Variants in REXO4 observed in about 807,000 individuals in gnomAD.
REXO4 encodes the protein RNA exonuclease 4, also known as REX4 homolog, 3'-5' exonuclease.
REXO4 carries 29 observed loss-of-function variants against 39.9 expected under a neutral mutation model. The ratio of observed to expected loss-of-function variants is 0.73; its 90% CI spans 0.54 to 0.99. The LOEUF (loss-of-function observed/expected upper bound fraction) is 0.99. Among genes scored for constraint, REXO4 ranks in the 50% least tolerant of loss-of-function variants. The probability of loss-of-function intolerance (pLI) is 0.00; values close to 1 mark genes in which losing one functional copy is unlikely to be tolerated. For missense variants in REXO4, 524 were observed against 546.5 expected, an observed-to-expected ratio of 0.96 and a Z score of 0.41; for synonymous variants, 184 against 206.2, an observed-to-expected ratio of 0.89 and a Z score of 0.92.
intron 6 of REXO4, 102 bp downstream of exon 6, chr9:133,408,661 AAAAAC>A: frequency 1.3e-6 from 1 of 758,596 alleles, no homozygotes; most frequent in Non-Finnish European, 2.3e-6. Flanking sequence ...GGTTAAAAGA[AAAAAC>A]AAAAACCCTT....
chr9:133,410,387 C>T (rs896124960), intron 5 of REXO4, among the ~76,000 whole-genome samples: 4 of 152,236 alleles, frequency 2.6e-5, no homozygotes, highest in Non-Finnish European at 4.4e-5. Context: ...ATTCCTGCCT[C>T]GGGTGACCAG....
chr9:133,416,995 C>T (rs1839662186), intron 1 of REXO4, among the ~76,000 whole-genome samples: 1 of 152,222 alleles, frequency 6.6e-6, no homozygotes, highest in Admixed American at 6.5e-5. Flanking sequence ...TGTCTTGCTA[C>T]ACAGACCAGT....
In REXO4 at chr9:133,407,901, G is replaced by T; in HGVS notation, c.1075-20C>A. ...TCCACTCTGCAAAGGGGGAAGAGGCGGGTGGGGGCCTCTGCAGGCTCGGCC... is the reference window on the plus strand; with the variant it reads ...TCCACTCTGCAAAGGGGGAAGAGGCTGGTGGGGGCCTCTGCAGGCTCGGCC... On this transcript the variant is annotated intron_variant, in intron 6 of 7. Coordinates refer to ENST00000371942, the MANE Select transcript of REXO4 (RefSeq NM_020385.4). 6.2e-7 allele frequency: 1 copy of T among 1,601,968 alleles called. No individual in the cohort carries two copies.
At chr9:133,414,499 C>A in intron 2 of REXO4, 166 bp downstream of exon 2, 1 of 736,262 alleles carries the variant, frequency 1.4e-6, no homozygotes, top group Non-Finnish European at 2.4e-6. Context: ...CCTTATCATG[C>A]GCACACTCTA....
chr9:133,408,969 T>TGTGC lies in REXO4; in HGVS notation c.1000-128_1000-127insGCAC, dbSNP rs1554779604. ...GTGTGTGTGTGTGTGTGTGTGTGTGTGTGTGTGTGTGTGTGTGACGGAGTC... is the reference window on the plus strand; with the variant it reads ...GTGTGTGTGTGTGTGTGTGTGTGTGTGTGCGTGTGTGTGTGTGTGTGACGGAGTC... On this transcript the variant is annotated intron_variant, in intron 5 of 7. Transcript: ENST00000371942. The TGTGC allele has an allele frequency of 2.4e-4, 127 of 525,030 alleles. No individual in the cohort carries two copies. In the East Asian group the frequency reaches 3.6e-3, roughly 15 times the overall value. The allele number at this position is 525,030 out of a possible 1,614,324, so 32.5% of individuals were successfully genotyped here.
chr9:133,418,018 C>CA (rs1211686126), upstream of REXO4: 21 of 620,276 alleles, frequency 3.4e-5, no homozygotes, highest in Non-Finnish European at 5.3e-5. Context: ...CATACCTCAG[C>CA]ACGCACGCTC....
intron 1 of REXO4, among the ~76,000 whole-genome samples, chr9:133,417,014 T>C (rs1839663844): frequency 6.6e-6 from 1 of 152,216 alleles, no homozygotes; most frequent in Admixed American, 6.5e-5. Context: ...GTGTGTTCTT[T>C]CGTTGTTGTT....
intron 2 of REXO4, chr9:133,414,437 G>A: frequency 1.4e-6 from 1 of 693,242 alleles, no homozygotes; most frequent in Non-Finnish European, 2.6e-6. Flanking sequence ...CACGTGTACT[G>A]GCACCCACTA....
chr9:133,411,007 T>G lies in REXO4; in HGVS notation c.977A>C (p.His326Pro). The G allele has an allele frequency of 5.0e-6, 8 of 1,614,126 alleles. No individual in the cohort carries two copies. Among genetic ancestry groups the G allele is most frequent in the African/African-American group, 1.3e-5 (1 of 75,050 alleles). ...TACCTTTAGGTCATTATGCAGAGCG[T>G]GCCCCACTAGAATTCTGCCCTTCAG... ...EMLKGRILVG[H>P]ALHNDLKVLF... is the part of the protein sequence containing the mutation. The change falls in exon 5 of 8, where the codon CAC (histidine) becomes CCC (proline). Residue 326 changes from histidine to proline, a missense_variant. His to Pro is a moderately conservative substitution (Grantham distance 77). Coordinates refer to ENST00000371942, the MANE Select transcript of REXO4 (RefSeq NM_020385.4).
rs587695051 is a variant in REXO4 at position 133,406,150 on chromosome 9, C to T, written c.*803G>A. On this transcript the variant is annotated 3_prime_UTR_variant, in exon 8 of 8. Coordinates refer to ENST00000371942, the MANE Select transcript of REXO4 (RefSeq NM_020385.4). The stretch of plus-strand genomic sequence containing the variant: ...CAGCTGTCAGGTGGCCCAATAACGC[C>T]TTGGACTCCGTCCCCTTGTCAGTGC... The T allele has an allele frequency of 3.1e-4, 48 of 152,392 alleles. No individual in the cohort carries two copies. Among genetic ancestry groups the T allele is most frequent in the African/African-American group, 1.1e-3 (45 of 41,596 alleles). The allele number at this position is 152,392 out of a possible 1,614,324, so 9.4% of individuals were successfully genotyped here.
chr9:133,414,875 G>C lies in REXO4; in HGVS notation c.362C>G (p.Ala121Gly). 6.2e-7 allele frequency: 1 copy of C among 1,614,088 alleles called. No homozygotes were observed. Among genetic ancestry groups the C allele is most frequent in the Non-Finnish European group, 8.5e-7 (1 of 1,180,016 alleles). The change falls in exon 2 of 8, where the codon GCA becomes GGA. Residue 121 changes from alanine (A) to glycine (G), a missense_variant. Coordinates refer to ENST00000371942, the MANE Select transcript of REXO4 (RefSeq NM_020385.4). ...SPQVKGEEMP[A>G]GKDQEASRGS... ...CCTGCTGGCCTCCTGGTCTTTTCCT[G>C]CCGGCATCTCCTCTCCCTTCACTTG... is the stretch of plus-strand genomic sequence containing the variant.
intron 1 of REXO4, chr9:133,415,796 T>C (rs911219690): frequency 6.6e-6 from 1 of 152,072 alleles, no homozygotes; most frequent in Non-Finnish European, 1.5e-5. Flanking sequence ...GGAAGAAGAG[T>C]TGGTGTTCAA....
At chr9:133,411,834 G>A (rs1160893657) in intron 4 of REXO4, among the ~76,000 whole-genome samples, 2 of 152,054 alleles carry the variant, frequency 1.3e-5, no homozygotes, top group African/African-American at 2.4e-5. Context: ...GCTGAGGCAG[G>A]AGAATCGCTT....
chr9:133,416,304 C>A (rs1839597094), intron 1 of REXO4, among the ~76,000 whole-genome samples: 1 of 152,208 alleles, frequency 6.6e-6, no homozygotes, highest in South Asian at 2.1e-4. Flanking sequence ...CATGAGGGAT[C>A]TACCCCCATG....
chr9:133,406,535 T>C lies in REXO4; in HGVS notation c.*418A>G, dbSNP rs1554778822. The C allele has an allele frequency of 1.5e-5, 3 of 201,878 alleles. No individual in the cohort carries two copies. The highest frequency in any genetic ancestry group is 4.5e-5 in the African/African-American group (2 of 44,186). The allele number at this position is 201,878 out of a possible 1,614,324, so 12.5% of individuals were successfully genotyped here. A position where few individuals can be genotyped will look rare whatever the true frequency, so the allele number is the denominator to read the frequency against. On this transcript the variant is annotated 3_prime_UTR_variant, in exon 8 of 8. Coordinates refer to ENST00000371942, the MANE Select transcript of REXO4 (RefSeq NM_020385.4). ...CCCTCAAGCCCAGCAGAGCTTGTTATGTCCCCTAACACAAAGGAGGAAAAT... is the reference window on the plus strand; with the variant it reads ...CCCTCAAGCCCAGCAGAGCTTGTTACGTCCCCTAACACAAAGGAGGAAAAT...
At chr9:133,407,499 C>T (rs985446351) in intron 7 of REXO4, among the ~76,000 whole-genome samples, 3 of 151,820 alleles carry the variant, frequency 2.0e-5, no homozygotes, top group African/African-American at 4.8e-5. Flanking sequence ...TCAGCAGGGC[C>T]GGGCAGGGCA....
At position 133,411,006 on chromosome 9, in the gene REXO4, G is replaced by T. The variant is rs782490309; in HGVS notation, c.978C>A (p.His326Gln). The change falls in exon 5 of 8, where the codon CAC becomes CAA. Residue 326 changes from histidine to glutamine, a missense_variant. Physicochemically the swap from His to Gln is conservative, Grantham distance 24. Transcript: ENST00000371942. ...EMLKGRILVGHALHNDLKVLF... is the reference protein window; with the variant it reads ...EMLKGRILVGQALHNDLKVLF... ...GTACCTTTAGGTCATTATGCAGAGC[G>T]TGCCCCACTAGAATTCTGCCCTTCA... 4 of 1,613,996 alleles carry T rather than the reference G, an allele frequency of 2.5e-6. No homozygotes were observed. Among genetic ancestry groups the T allele is most frequent in the Non-Finnish European group, 3.4e-6 (4 of 1,179,874 alleles).
In REXO4 at chr9:133,412,401, G is replaced by A. The variant is rs1202776668; in HGVS notation, c.808C>T (p.Gln270Ter). 1 of 1,613,976 alleles carries A rather than the reference G, an allele frequency of 6.2e-7. No homozygotes were observed. Among genetic ancestry groups the A allele is most frequent in the East Asian group, 2.2e-5 (1 of 44,888 alleles). ...TTGTCATAAACGCACTTCCCATACT[G>A]GTTCACGATGGACACACGGGCGGCC... The part of the protein sequence containing the change: ...SMAARVSIVN[Q>*]YGKCVYDKYV... The change falls in exon 4 of 8, where the codon CAG (glutamine) becomes TAG (stop). Residue 270 changes from glutamine (Q) to a stop codon, truncating the protein, a stop_gained. Transcript: ENST00000371942. LOFTEE classifies it high-confidence loss of function.
At position 133,412,888 on chromosome 9, in the gene REXO4, C is replaced by G. The variant is rs782395380; in HGVS notation, c.606G>C (p.Ala202=). ...CTGGACCTATGGCAGCTTCGATATC[C>G]GCTGGGTCCACGTCGTCAAACCAGA... ...EDIWFDDVDP[A]DIEAAIGPEA... is the part of the protein sequence containing the mutation. Residue 202 remains alanine (A), a synonymous_variant, in exon 3 of 8, where the codon GCG becomes GCC. Coordinates refer to ENST00000371942, the MANE Select transcript of REXO4 (RefSeq NM_020385.4). The G allele has an allele frequency of 6.2e-7, 1 of 1,614,068 alleles. No individual in the cohort carries two copies. Among genetic ancestry groups the G allele is most frequent in the Non-Finnish European group, 8.5e-7 (1 of 1,180,028 alleles).
Sources: allele counts gnomAD v4.1 joint callset (sites outside exome capture counted in the v4.1 genomes callset), GRCh38; gene constraint gnomAD v4.1.1; transcripts MANE v1.5; gene names NCBI Gene and HGNC (gene_info 2026-07-23, HGNC 2026-07-21).